NPNT: variants seen among roughly 807,000 people sequenced by gnomAD.
NPNT encodes the protein nephronectin.
In NPNT, 45 loss-of-function variants were observed where a neutral mutation model predicts 68.6. The observed-to-expected ratio is 0.66, with a 90% confidence interval of 0.52 to 0.84. The LOEUF (loss-of-function observed/expected upper bound fraction) is 0.84, where lower values mean the gene tolerates loss of function less well. Among genes scored for constraint, NPNT ranks in the 40% least tolerant of loss-of-function variants. The probability of loss-of-function intolerance (pLI) is 0.00; values close to 1 mark genes in which losing one functional copy is unlikely to be tolerated. For missense variants in NPNT, 672 were observed against 714.8 expected (o/e 0.94, Z 0.68); for synonymous variants, 233 against 253.3 (o/e 0.92, Z 0.76).
At chr4:105,953,907 C>T (rs1731020568) in intron 8 of NPNT, among the ~76,000 whole-genome samples, 1 of 152,178 alleles carries the variant, frequency 6.6e-6, no homozygotes. Flanking sequence ...CCTACCTTTA[C>T]TAAATAATGC....
chr4:105,960,845 T>A (rs912764149), intron 10 of NPNT, among the ~76,000 whole-genome samples: 2 of 152,170 alleles, frequency 1.3e-5, no homozygotes, highest in Non-Finnish European at 2.9e-5. Flanking sequence ...TTTTATTTAA[T>A]TGTAGCAATT....
chr4:105,958,473 C>A lies in NPNT; in HGVS notation c.1162C>A (p.Pro388Thr). Residue 388 changes from proline to threonine, a missense_variant and splice_region_variant, in exon 9 of 12, where the codon CCA becomes ACA. Transcript: ENST00000379987. ...PQKPRGDVFI[P>T]RQPSNDLFEI... ...AACTCAAAACCTTTCTCTTGCAGTT[C>A]CACGGCAACCTTCAAATGACTTGTT... The A allele has an allele frequency of 6.2e-7, 1 of 1,603,916 alleles. No homozygotes were observed. Among genetic ancestry groups the A allele is most frequent in the South Asian group, 1.1e-5 (1 of 90,562 alleles).
At chr4:105,941,311 C>T (rs1001103973) in intron 7 of NPNT, among the ~76,000 whole-genome samples, 8 of 152,090 alleles carry the variant, frequency 5.3e-5, no homozygotes, top group Non-Finnish European at 8.8e-5. Context: ...GACCATGCCA[C>T]TGCACTCCAG....
intron 2 of NPNT, among the ~76,000 whole-genome samples, chr4:105,920,568 AT>A (rs1049142646): frequency 2.0e-5 from 3 of 151,406 alleles, no homozygotes; most frequent in South Asian, 2.1e-4. Flanking sequence ...TGCTCAGAGG[AT>A]TTTTTTTTAA....
chr4:105,958,434 C>A, intron 8 of NPNT, 37 bp from the exon 9 acceptor site: 3 of 1,254,836 alleles, frequency 2.4e-6, no homozygotes, highest in Admixed American at 1.7e-5. Context: ...ACTTCACACA[C>A]ACACACACAC....
intron 9 of NPNT, 108 bp from the exon 10 acceptor site, chr4:105,958,920 A>G: frequency 1.4e-6 from 1 of 701,068 alleles, no homozygotes; most frequent in South Asian, 1.7e-5. Flanking sequence ...CTCTGGTTAT[A>G]TGGATAGGAG....
At chr4:105,899,859 CCTGT>C (rs1726251546) in intron 2 of NPNT, among the ~76,000 whole-genome samples, 1 of 152,036 alleles carries the variant, frequency 6.6e-6, no homozygotes, top group Non-Finnish European at 1.5e-5. Flanking sequence ...CAGAGTTCTG[CCTGT>C]CTTTGTTTTG....
chr4:105,938,856 C>G (rs1460986560), intron 5 of NPNT, among the ~76,000 whole-genome samples: 9 of 152,144 alleles, frequency 5.9e-5, no homozygotes, highest in Non-Finnish European at 1.0e-4. Context: ...GGTTTTAAAC[C>G]TGGCTCTTCC....
chr4:105,944,510 T>G (rs1378004022), intron 8 of NPNT, among the ~76,000 whole-genome samples: 2 of 152,234 alleles, frequency 1.3e-5, no homozygotes, highest in African/African-American at 2.4e-5. Context: ...ATTTCCAGTA[T>G]TCCTCTCTAT....
At chr4:105,921,416 C>T (rs1728250983) in intron 2 of NPNT, among the ~76,000 whole-genome samples, 1 of 152,144 alleles carries the variant, frequency 6.6e-6, no homozygotes, top group Non-Finnish European at 1.5e-5. Flanking sequence ...CTGCCTCTCT[C>T]CTGCCTTATA....
intron 7 of NPNT, among the ~76,000 whole-genome samples, chr4:105,941,308 C>T (rs1729933478): frequency 6.6e-6 from 1 of 152,092 alleles, no homozygotes; most frequent in Non-Finnish European, 1.5e-5. Context: ...TCTGACCATG[C>T]CACTGCACTC....
intron 3 of NPNT, among the ~76,000 whole-genome samples, chr4:105,934,200 G>A (rs1729343356): frequency 6.6e-6 from 1 of 151,974 alleles, no homozygotes; most frequent in African/African-American, 2.4e-5. Context: ...ATTTATTTTT[G>A]AATTTATTGC....
chr4:105,903,970 T>C (rs28760502), intron 2 of NPNT, among the ~76,000 whole-genome samples: 3,048 of 151,854 alleles, frequency 0.02, 101 homozygotes, highest in African/African-American at 0.068. Context: ...TTTTTTGTAG[T>C]GACTGGGTTT....
At chr4:105,904,605 T>TG (rs1726725553) in intron 2 of NPNT, among the ~76,000 whole-genome samples, 1 of 152,200 alleles carries the variant, frequency 6.6e-6, no homozygotes, top group Admixed American at 6.5e-5. Context: ...TGCCTATCAT[T>TG]TACTTGTAAG....
rs200632077 is a variant in NPNT at position 105,942,271 on chromosome 4, T to A, written c.764-36T>A. On this transcript the variant is annotated intron_variant, in intron 7 of 11. Coordinates refer to ENST00000379987, the MANE Select transcript of NPNT (RefSeq NM_001033047.3). ...TAATGCTTCACTTTTTAGGGAGGAATGGTTACATACTGATTTAAGTCTTTG... is the reference window on the plus strand; with the variant it reads ...TAATGCTTCACTTTTTAGGGAGGAAAGGTTACATACTGATTTAAGTCTTTG... 18 of 1,509,228 alleles carry A rather than the reference T, an allele frequency of 1.2e-5. No homozygotes were observed. The East Asian group carries it at 4.1e-4, about 34-fold the overall frequency. 93.5% of individuals were successfully genotyped at this position (1,509,228 alleles called of 1,614,324 possible). A position where few individuals can be genotyped will look rare whatever the true frequency, so the allele number is the denominator to read the frequency against.
chr4:105,968,768 G>GT (rs1732365682), intron 11 of NPNT, 127 bp from the exon 12 acceptor site: 2 of 596,724 alleles, frequency 3.4e-6, no homozygotes, highest in South Asian at 2.3e-5. Flanking sequence ...ACTATATTCT[G>GT]TTTTTTTCCT....
At chr4:105,914,345 T>C (rs1727613267) in intron 2 of NPNT, among the ~76,000 whole-genome samples, 1 of 138,734 alleles carries the variant, frequency 7.2e-6, no homozygotes, top group Non-Finnish European at 1.5e-5. Flanking sequence ...GCTGGCTCTC[T>C]CTCTCCATTC....
At chr4:105,895,984 A>G (rs1029634965) in intron 1 of NPNT, 1 of 508,694 alleles carries the variant, frequency 2.0e-6, no homozygotes, top group African/African-American at 2.0e-5. Context: ...GGGAATTAGG[A>G]CTGAGGGAGA....
intron 8 of NPNT, among the ~76,000 whole-genome samples, chr4:105,957,700 A>AT (rs1731349728): frequency 6.6e-6 from 1 of 152,198 alleles, no homozygotes; most frequent in African/African-American, 2.4e-5. Context: ...GGGGCTTATA[A>AT]GCATGAACTC....
Sources: allele counts gnomAD v4.1 joint callset (sites outside exome capture counted in the v4.1 genomes callset), GRCh38; gene constraint gnomAD v4.1.1; transcripts MANE v1.5; gene names NCBI Gene and HGNC (gene_info 2026-07-23, HGNC 2026-07-21).